SLC17A2: variants seen among roughly 807,000 people sequenced by gnomAD.
SLC17A2 encodes the protein solute carrier family 17 member 2.
In SLC17A2, 38 loss-of-function variants were observed where a neutral mutation model predicts 52.1. The ratio of observed to expected loss-of-function variants is 0.73; its 90% CI spans 0.56 to 0.96. The LOEUF (loss-of-function observed/expected upper bound fraction) is 0.96, where lower values mean the gene tolerates loss of function less well. SLC17A2 is among the 40% of genes least tolerant of loss of function. The pLI, the probability that SLC17A2 is intolerant of heterozygous loss-of-function variation, is 0.00. For missense variants in SLC17A2, 508 were observed against 583.9 expected, an observed-to-expected ratio of 0.87 and a Z score of 1.34; for synonymous variants, 226 against 211.9, an observed-to-expected ratio of 1.07 and a Z score of -0.58.
At position 25,913,359 on chromosome 6, in the gene SLC17A2, T is replaced by C. The variant is rs1766174409; in HGVS notation, c.1395A>G (p.Glu465=). The change falls in exon 12 of 12, where the codon GAA becomes GAG. Residue 465 remains glutamate, a synonymous_variant. Coordinates refer to ENST00000377850, the MANE Select transcript of SLC17A2 (RefSeq NM_001286123.3). ...TCCTCTCTTTGGCCCAGTCTTGAAG[T>C]TCTGCTTGTCCAAACGTGAGGTAAA... ...LVFYLTFGQA[E]LQDWAKERTL... 1 of 1,614,066 alleles carries C rather than the reference T, an allele frequency of 6.2e-7. No homozygotes were observed. Among genetic ancestry groups the C allele is most frequent in the Non-Finnish European group, 8.5e-7 (1 of 1,180,012 alleles).
At position 25,923,917 on chromosome 6, in the gene SLC17A2, A is replaced by T; in HGVS notation, c.29-11T>A. Reference sequence around the variant, plus strand: ...AACAGAAATCTGGACCTAGACAACAACACAGATGTATGTAGTGAGCATCCT... The same window carrying T: ...AACAGAAATCTGGACCTAGACAACATCACAGATGTATGTAGTGAGCATCCT... On this transcript the variant is annotated splice_polypyrimidine_tract_variant and intron_variant, in intron 2 of 11. Coordinates refer to ENST00000377850, the MANE Select transcript of SLC17A2 (RefSeq NM_001286123.3). The T allele has an allele frequency of 6.2e-7, 1 of 1,609,052 alleles. No homozygotes were observed. Among genetic ancestry groups the T allele is most frequent in the South Asian group, 1.1e-5 (1 of 90,956 alleles).
intron 1 of SLC17A2, among the ~76,000 whole-genome samples, chr6:25,929,426 G>A (rs888771702): frequency 1.3e-5 from 2 of 152,154 alleles, no homozygotes; most frequent in African/African-American, 4.8e-5. Flanking sequence ...CACAATATTG[G>A]CAGTCTAGCC....
rs142499582 is a variant in SLC17A2 at position 25,913,375 on chromosome 6, G to A, written c.1379C>T (p.Thr460Met). The part of the protein sequence containing the change: ...VNMFGLVFYL[T>M]FGQAELQDWA... ...GTCTTGAAGTTCTGCTTGTCCAAAC[G>A]TGAGGTAAAAGACCAGGCCAAACAT... Residue 460 changes from threonine to methionine, a missense_variant, in exon 12 of 12, where the codon ACG becomes ATG. Physicochemically the swap from Thr to Met is moderately conservative, Grantham distance 81. Coordinates refer to ENST00000377850, the MANE Select transcript of SLC17A2 (RefSeq NM_001286123.3). 44 of 1,614,006 alleles carry A rather than the reference G, an allele frequency of 2.7e-5. No homozygotes were observed. Among genetic ancestry groups the A allele is most frequent in the African/African-American group, 1.1e-4 (8 of 75,020 alleles).
chr6:25,913,789 G>GTTA (rs1766194539), intron 11 of SLC17A2, among the ~76,000 whole-genome samples: 1 of 149,840 alleles, frequency 6.7e-6, no homozygotes, highest in Non-Finnish European at 1.5e-5. Flanking sequence ...TTTTGTTGTT[G>GTTA]TTGTTGCTGT....
chr6:25,913,668 A>G (rs995918745), intron 11 of SLC17A2, among the ~76,000 whole-genome samples: 1 of 152,248 alleles, frequency 6.6e-6, no homozygotes, highest in Admixed American at 6.5e-5. Context: ...AAACAAAAAT[A>G]AAATACACTA....
intron 1 of SLC17A2, among the ~76,000 whole-genome samples, chr6:25,928,065 C>T (rs1490916616): frequency 2.0e-5 from 3 of 152,150 alleles, no homozygotes; most frequent in Admixed American, 2.0e-4. Context: ...CTTATAAACA[C>T]TGAAAGCTGA....
At chr6:25,928,814 C>G (rs771278120) in intron 1 of SLC17A2, among the ~76,000 whole-genome samples, 4 of 151,918 alleles carry the variant, frequency 2.6e-5, no homozygotes, top group African/African-American at 4.8e-5. Flanking sequence ...GTGTCAGAAC[C>G]CTTCCCTTTA....
Position 25,915,527 on chromosome 6 carries a change from T to A in SLC17A2, c.1183A>T (p.Ile395Phe). The change falls in exon 10 of 12, where the codon ATC (isoleucine) becomes TTC (phenylalanine). Residue 395 changes from isoleucine (I) to phenylalanine (F), a missense_variant. By Grantham distance (21) the Ile-to-Phe change is conservative. Transcript: ENST00000377850. ...GGGGCGATATCTAAGGTGTTGATGA[T>A]AAACCCTGAGTCACATAGGTTACTG... ...GTSNLCDSGF[I>F]INTLDIAPRY... is the part of the protein sequence containing the mutation. 1 of 1,560,664 alleles carries A rather than the reference T, an allele frequency of 6.4e-7. No individual in the cohort carries two copies. The highest frequency in any genetic ancestry group is 8.7e-7 in the Non-Finnish European group (1 of 1,152,618).
chr6:25,923,775 G>A lies in SLC17A2; in HGVS notation c.160C>T (p.Leu54=). 2 of 1,614,206 alleles carry A rather than the reference G, an allele frequency of 1.2e-6. No homozygotes were observed. ...AMVNTTQQQG[L]SNASTEGPVA... is the part of the protein sequence containing the mutation. ...GGCCCCTCAGTGGAGGCATTAGATA[G>A]ACCTTGCTGCTGAGTGGTGTTCACC... is the stretch of plus-strand genomic sequence containing the variant. Residue 54 remains leucine, a synonymous_variant, in exon 3 of 12, where the codon CTA becomes TTA. Transcript: ENST00000377850.
intron 1 of SLC17A2, among the ~76,000 whole-genome samples, chr6:25,929,643 T>C (rs1021122248): frequency 2.6e-5 from 4 of 152,190 alleles, no homozygotes; most frequent in Non-Finnish European, 5.9e-5. Flanking sequence ...CCTCTCATCA[T>C]CTGCCTATCT....
chr6:25,920,916 C>T, intron 5 of SLC17A2, 90 bp downstream of exon 5: 2 of 1,236,866 alleles, frequency 1.6e-6, no homozygotes, highest in Admixed American at 2.0e-5. Context: ...TACTTTTTCT[C>T]TCTCTTCCCC....
At chr6:25,925,739 A>G (rs779988294) in intron 2 of SLC17A2, 30 bp downstream of exon 2, 1 of 1,606,034 alleles carries the variant, frequency 6.2e-7, no homozygotes. Flanking sequence ...GCTTATTAAC[A>G]TAGCCTGCAA....
chr6:25,930,102 G>C (rs1213910641), intron 1 of SLC17A2, among the ~76,000 whole-genome samples, 175 bp downstream of exon 1: 5 of 152,184 alleles, frequency 3.3e-5, no homozygotes, highest in African/African-American at 4.8e-5. Context: ...ACAGGCGTGA[G>C]CCACCAGGCC....
At position 25,915,817 on chromosome 6, in the gene SLC17A2, A is replaced by C. The variant is rs760640049; in HGVS notation, c.982T>G (p.Leu328Val). The change falls in exon 9 of 12, where the codon TTA (leucine) becomes GTA (valine). Residue 328 changes from leucine (L) to valine (V), a missense_variant. Leu to Val is a conservative substitution (Grantham distance 32). Coordinates refer to ENST00000377850, the MANE Select transcript of SLC17A2 (RefSeq NM_001286123.3). ...AGGAAATCTGCCAGCTGACCTCCTA[A>C]AATTGTACAGCTTGCAGCAGCAATA... Reference protein sequence around the residue: ...PFIAAASCTILGGQLADFLLS... With the variant: ...PFIAAASCTIVGGQLADFLLS... The C allele has an allele frequency of 3.1e-6, 5 of 1,614,160 alleles. No individual in the cohort carries two copies. In the East Asian group the frequency reaches 1.1e-4, roughly 36 times the overall value.
chr6:25,930,033 G>T (rs898825223), intron 1 of SLC17A2, among the ~76,000 whole-genome samples: 14 of 152,184 alleles, frequency 9.2e-5, no homozygotes. Context: ...GGCCAGGCTG[G>T]TCTCAAACTC....
intron 1 of SLC17A2, among the ~76,000 whole-genome samples, chr6:25,929,387 T>C (rs577877009): frequency 2.0e-5 from 3 of 152,352 alleles, no homozygotes; most frequent in South Asian, 2.1e-4. Context: ...ATATTCTAGA[T>C]ACTAGCAACA....
In SLC17A2 at chr6:25,921,093, C is replaced by A. The variant is rs1442616349; in HGVS notation, c.475G>T (p.Gly159Ter). The A allele has an allele frequency of 3.7e-6, 6 of 1,614,042 alleles. No homozygotes were observed. The highest frequency in any genetic ancestry group is 5.1e-6 in the Non-Finnish European group (6 of 1,179,974). The change falls in exon 5 of 12, where the codon GGA becomes TGA. Residue 159 changes from glycine (G) to a stop codon, truncating the protein, a stop_gained and splice_region_variant. Transcript: ENST00000377850. LOFTEE classifies it high-confidence loss of function. Reference protein sequence around the residue: ...MVRTVQGMAQGMAWTGQFTIW... With the variant: ...MVRTVQGMAQ The stretch of plus-strand genomic sequence containing the variant: ...GTAAACTGACCTGTCCATGCCATTC[C>A]CTGAAATGAAAATCATTAAGACCTT...
At chr6:25,916,560 C>G in intron 8 of SLC17A2, 125 bp downstream of exon 8, 1 of 784,458 alleles carries the variant, frequency 1.3e-6, no homozygotes, top group African/African-American at 1.7e-5. Context: ...AACAATGCCT[C>G]TCTCAAGGTC....
Position 25,919,061 on chromosome 6 carries a change from AAAC to A in SLC17A2, c.563-491_563-489del, listed in dbSNP as rs930962959. ...GTAGGCTTTGGAAGTCTACATTAAA[AAAC>A]AACAAGACACATATTTCACAGAGAC... On this transcript the variant is annotated intron_variant, in intron 5 of 11. Coordinates refer to ENST00000377850, the MANE Select transcript of SLC17A2 (RefSeq NM_001286123.3). Among the ~76,000 whole-genome samples the A allele has an allele frequency of 7.9e-5, 12 of 152,234 alleles. No individual in the cohort carries two copies. The East Asian group carries it at 1.3e-3, about 17-fold the overall frequency.
Sources: allele counts gnomAD v4.1 joint callset (sites outside exome capture counted in the v4.1 genomes callset), GRCh38; gene constraint gnomAD v4.1.1; transcripts MANE v1.5; gene names NCBI Gene and HGNC (gene_info 2026-07-23, HGNC 2026-07-21).